The following ROBO1 variants were observed in gnomAD, a reference collection of about 807,000 sequenced individuals.
ROBO1 encodes roundabout homolog 1.
In ROBO1, 149 loss-of-function variants were observed where a neutral mutation model predicts 195.9. The ratio of observed to expected loss-of-function variants is 0.76; its 90% CI spans 0.67 to 0.87. The LOEUF (loss-of-function observed/expected upper bound fraction) is 0.87, where lower values mean the gene tolerates loss of function less well. ROBO1 is among the 40% of genes least tolerant of loss of function. The probability of loss-of-function intolerance (pLI) is 0.00; values close to 1 mark genes in which losing one functional copy is unlikely to be tolerated. For synonymous variants in ROBO1, 816 were observed against 733.2 expected, an observed-to-expected ratio of 1.11 and a Z score of -1.82; for missense variants, 1,933 against 2,068.3, an observed-to-expected ratio of 0.93 and a Z score of 1.27.
chr3:78,875,318 A>G (rs1277593925), intron 4 of ROBO1, among the ~76,000 whole-genome samples: 2 of 152,054 alleles, frequency 1.3e-5, no homozygotes, highest in South Asian at 2.1e-4. Context: ...TAGATCAGCA[A>G]TTGTGATAAA....
chr3:78,711,444 C>CTTTCTTTCTTTCTTTCTTTCT (rs1559774147), intron 8 of ROBO1, among the ~76,000 whole-genome samples: 2 of 61,770 alleles, frequency 3.2e-5, no homozygotes, highest in Non-Finnish European at 6.5e-5. Context: ...TCTTTCTTTC[C>CTTTCTTTCTTTCTTTCTTTCT]TTCCTTCCTT....
intron 4 of ROBO1, among the ~76,000 whole-genome samples, chr3:78,886,439 C>T (rs1393341308): frequency 2.0e-5 from 3 of 151,936 alleles, no homozygotes; most frequent in Admixed American, 2.0e-4. Context: ...ACTAAAAATA[C>T]AAAAACTACC....
chr3:79,226,216 C>G (rs1194519147), intron 2 of ROBO1, among the ~76,000 whole-genome samples: 1 of 152,108 alleles, frequency 6.6e-6, no homozygotes, highest in Non-Finnish European at 1.5e-5. Context: ...TTTATCACAT[C>G]TGCGTGGCAA....
chr3:78,665,463 A>G (rs1707676954), intron 14 of ROBO1, among the ~76,000 whole-genome samples: 1 of 152,144 alleles, frequency 6.6e-6, no homozygotes, highest in African/African-American at 2.4e-5. Flanking sequence ...AATTTGCTCT[A>G]TTAACTTTAA....
intron 2 of ROBO1, among the ~76,000 whole-genome samples, chr3:79,383,036 A>T (rs1223826654): frequency 1.3e-5 from 2 of 152,136 alleles, no homozygotes; most frequent in African/African-American, 2.4e-5. Context: ...TATGATTCAC[A>T]TTGAAAAAGA....
At chr3:78,777,556 G>C (rs1356495860) in intron 4 of ROBO1, among the ~76,000 whole-genome samples, 1 of 152,164 alleles carries the variant, frequency 6.6e-6, no homozygotes, top group Non-Finnish European at 1.5e-5. Context: ...ATGGGAAATG[G>C]TTGTAAACAA....
chr3:78,884,840 G>C (rs2036442530), intron 4 of ROBO1, among the ~76,000 whole-genome samples: 1 of 110,950 alleles, frequency 9.0e-6, no homozygotes, highest in Admixed American at 8.4e-5. Context: ...AGAAGAAATA[G>C]ACTCTCTCTC....
At chr3:79,016,961 C>T (rs977410758) in intron 3 of ROBO1, among the ~76,000 whole-genome samples, 3 of 152,060 alleles carry the variant, frequency 2.0e-5, no homozygotes, top group Admixed American at 6.5e-5. Flanking sequence ...TATTCAATTA[C>T]TCCGATATGC....
chr3:79,050,310 C>T (rs1173422205), intron 3 of ROBO1, among the ~76,000 whole-genome samples: 3 of 152,140 alleles, frequency 2.0e-5, no homozygotes, highest in South Asian at 2.1e-4. Context: ...AAGGCCATTA[C>T]ATAATGGTAA....
chr3:79,077,809 T>A (rs1382297459), intron 3 of ROBO1, among the ~76,000 whole-genome samples: 2 of 151,890 alleles, frequency 1.3e-5, no homozygotes, highest in Admixed American at 6.6e-5. Flanking sequence ...GAAAGCCAAA[T>A]CTTTTTTCCA....
intron 2 of ROBO1, among the ~76,000 whole-genome samples, chr3:79,183,658 T>C (rs572281130): frequency 1.3e-5 from 2 of 152,298 alleles, no homozygotes; most frequent in African/African-American, 4.8e-5. Flanking sequence ...GTTACAAAGA[T>C]AGGACAAGAA....
intron 2 of ROBO1, among the ~76,000 whole-genome samples, chr3:79,307,099 C>G (rs975215937): frequency 2.0e-5 from 3 of 152,088 alleles, no homozygotes; most frequent in African/African-American, 7.2e-5. Flanking sequence ...GCTCAGAATT[C>G]AAGGAAGTGT....
intron 1 of ROBO1, among the ~76,000 whole-genome samples, chr3:79,595,751 G>A (rs1459994969): frequency 1.4e-5 from 2 of 148,122 alleles, no homozygotes; most frequent in Non-Finnish European, 3.0e-5. Context: ...TCGATATAGA[G>A]CCTATGTTGC....
intron 2 of ROBO1, among the ~76,000 whole-genome samples, chr3:79,505,932 T>A (rs180900163): frequency 6.6e-6 from 1 of 152,226 alleles, no homozygotes; most frequent in Admixed American, 6.5e-5. Context: ...CCACAGTGTA[T>A]GTAGATGCAC....
chr3:79,300,296 C>CG (rs2032845833), intron 2 of ROBO1, among the ~76,000 whole-genome samples: 1 of 152,222 alleles, frequency 6.6e-6, no homozygotes, highest in Admixed American at 6.5e-5. Flanking sequence ...GTGGGCTTGG[C>CG]GGGTCCTGCA....
intron 3 of ROBO1, among the ~76,000 whole-genome samples, chr3:78,994,239 C>G (rs1426793144): frequency 6.6e-6 from 1 of 152,078 alleles, no homozygotes; most frequent in African/African-American, 2.4e-5. Flanking sequence ...GACTGATATC[C>G]AGGCTCCAAG....
chr3:78,658,795 G>C (rs1707200405), intron 17 of ROBO1, among the ~76,000 whole-genome samples: 1 of 151,986 alleles, frequency 6.6e-6, no homozygotes, highest in Non-Finnish European at 1.5e-5. Flanking sequence ...CCTATACCAG[G>C]AGCTGACCAT....
intron 2 of ROBO1, among the ~76,000 whole-genome samples, chr3:79,478,542 C>T (rs1171092170): frequency 6.6e-6 from 1 of 152,148 alleles, no homozygotes; most frequent in Non-Finnish European, 1.5e-5. Flanking sequence ...CTTTCCAATC[C>T]CATATGCTGT....
chr3:79,733,643 A>G (rs1371913470), intron 1 of ROBO1, among the ~76,000 whole-genome samples: 1 of 152,154 alleles, frequency 6.6e-6, no homozygotes, highest in Non-Finnish European at 1.5e-5. Flanking sequence ...TCTTCACTTC[A>G]GGTGTAGGTC....
Sources: allele counts gnomAD v4.1 joint callset (sites outside exome capture counted in the v4.1 genomes callset), GRCh38; gene constraint gnomAD v4.1.1; transcripts MANE v1.5; gene names NCBI Gene and HGNC (gene_info 2026-07-23, HGNC 2026-07-21).